Variants in PLXNA4 observed in about 807,000 individuals in gnomAD.
PLXNA4 encodes the protein plexin-A4.
In PLXNA4, 44 loss-of-function variants were observed where a neutral mutation model predicts 191.8. That is an observed-to-expected ratio of 0.23 (90% CI 0.18 to 0.29). The LOEUF is 0.29. PLXNA4 is among the 10% of genes least tolerant of loss of function. The pLI is 1.00. For synonymous variants in PLXNA4, 1,082 were observed against 1,009.5 expected, an observed-to-expected ratio of 1.07 and a Z score of -1.36; for missense variants, 1,800 against 2,488.8, an observed-to-expected ratio of 0.72 and a Z score of 5.89.
intron 30 of PLXNA4, among the ~76,000 whole-genome samples, chr7:132,134,532 C>A (rs1343127254): frequency 3.9e-5 from 6 of 152,164 alleles, no homozygotes; most frequent in Non-Finnish European, 8.8e-5. Context: ...TGTTGTTCTG[C>A]CTGGAAAATG....
chr7:132,408,970 T>A (rs1330577504), intron 3 of PLXNA4, among the ~76,000 whole-genome samples: 1 of 151,274 alleles, frequency 6.6e-6, no homozygotes, highest in African/African-American at 2.4e-5. Flanking sequence ...TCCCCCTGTG[T>A]TTGAGACTGA....
intron 1 of PLXNA4, among the ~76,000 whole-genome samples, chr7:132,564,015 C>T (rs1255864958): frequency 3.2e-5 from 2 of 62,658 alleles, no homozygotes; most frequent in African/African-American, 1.3e-4. Flanking sequence ...TCCTTCTCCT[C>T]CTCCTTCTCC....
chr7:132,360,323 C>G (rs1202270918), intron 3 of PLXNA4, among the ~76,000 whole-genome samples: 2 of 152,168 alleles, frequency 1.3e-5, no homozygotes, highest in African/African-American at 4.8e-5. Flanking sequence ...TGTTGTCCCT[C>G]AGGCCTTGCT....
chr7:132,549,495 C>G (rs1444103562), intron 1 of PLXNA4, among the ~76,000 whole-genome samples: 1 of 152,148 alleles, frequency 6.6e-6, no homozygotes, highest in Admixed American at 6.5e-5. Context: ...AATCCTGGGT[C>G]CCAACCCTGG....
At chr7:132,161,187 A>C (rs1795938527) in intron 24 of PLXNA4, among the ~76,000 whole-genome samples, 1 of 152,222 alleles carries the variant, frequency 6.6e-6, no homozygotes, top group Non-Finnish European at 1.5e-5. Context: ...ACAGCAACAC[A>C]GCTTGCCCTG....
chr7:132,282,306 C>T (rs929734632), intron 4 of PLXNA4, among the ~76,000 whole-genome samples: 7 of 152,256 alleles, frequency 4.6e-5, no homozygotes, highest in Middle Eastern at 3.4e-3. Context: ...GGTGCAATGG[C>T]TCACGCCTGC....
intron 21 of PLXNA4, among the ~76,000 whole-genome samples, chr7:132,174,022 G>A (rs1796372921): frequency 6.6e-6 from 1 of 152,156 alleles, no homozygotes; most frequent in African/African-American, 2.4e-5. Flanking sequence ...GAGGCTTCTT[G>A]GGAGGTGAAA....
intron 3 of PLXNA4, among the ~76,000 whole-genome samples, chr7:132,383,141 C>T (rs1804967458): frequency 6.6e-6 from 1 of 152,176 alleles, no homozygotes; most frequent in African/African-American, 2.4e-5. Flanking sequence ...TCCATGCTCC[C>T]TCTCTCTGAA....
At chr7:132,215,736 C>A (rs78702956) in intron 9 of PLXNA4, among the ~76,000 whole-genome samples, 1 of 152,078 alleles carries the variant, frequency 6.6e-6, no homozygotes, top group Non-Finnish European at 1.5e-5. Context: ...TCCATCAACA[C>A]CCTAAGTGAA....
intron 2 of PLXNA4, among the ~76,000 whole-genome samples, chr7:132,584,820 CA>C (rs1336008828): frequency 2.0e-5 from 3 of 152,026 alleles, no homozygotes; most frequent in Admixed American, 2.0e-4. Flanking sequence ...CTCCATTTTT[CA>C]AAAAGCTAGT....
intron 24 of PLXNA4, among the ~76,000 whole-genome samples, chr7:132,163,642 T>G (rs1380917367): frequency 6.6e-6 from 1 of 152,192 alleles, no homozygotes; most frequent in Admixed American, 6.5e-5. Context: ...CTTCAACAAC[T>G]GCCTTGCACC....
chr7:132,222,297 A>C (rs1305326827), intron 9 of PLXNA4, among the ~76,000 whole-genome samples: 2 of 152,210 alleles, frequency 1.3e-5, no homozygotes, highest in African/African-American at 4.8e-5. Context: ...GGGAGCCCCC[A>C]TGCAGCAGGT....
At chr7:132,244,019 A>C (rs572339892) in intron 4 of PLXNA4, among the ~76,000 whole-genome samples, 1 of 152,148 alleles carries the variant, frequency 6.6e-6, no homozygotes, top group Admixed American at 6.5e-5. Context: ...TCCAGGACTT[A>C]TTCACTATCT....
intron 9 of PLXNA4, among the ~76,000 whole-genome samples, chr7:132,217,302 T>C (rs1360685825): frequency 6.6e-6 from 1 of 152,200 alleles, no homozygotes; most frequent in African/African-American, 2.4e-5. Context: ...CATATTTAAA[T>C]AATTGAACAA....
At chr7:132,256,787 T>G (rs1314699254) in intron 4 of PLXNA4, among the ~76,000 whole-genome samples, 1 of 152,170 alleles carries the variant, frequency 6.6e-6, no homozygotes, top group African/African-American at 2.4e-5. Context: ...CAACTGGCCT[T>G]GACCATAGGG....
At chr7:132,576,703 G>C (rs969733558), upstream of PLXNA4, 1 of 623,230 alleles carries the variant, frequency 1.6e-6, no homozygotes, top group Non-Finnish European at 2.0e-6. This position sits in a 1 kb window ranked among gnomAD's most constrained non-coding sequence, Gnocchi z 5.8. Context: ...CGGAAAATGG[G>C]GATCGATTCC....
chr7:132,594,899 ATAGATAGATAGG>A (rs1157695192), intron 2 of PLXNA4, among the ~76,000 whole-genome samples: 4 of 139,504 alleles, frequency 2.9e-5, no homozygotes, highest in Admixed American at 7.7e-5. Flanking sequence ...CCATTCAGAC[ATAGATAGATAGG>A]TAGATAGATA....
At chr7:132,196,791 C>G (rs1007812627) in intron 13 of PLXNA4, among the ~76,000 whole-genome samples, 1 of 152,194 alleles carries the variant, frequency 6.6e-6, no homozygotes, top group Admixed American at 6.5e-5. Context: ...TCACAAACCA[C>G]TCCCTATTGT....
intron 4 of PLXNA4, 130 bp downstream of exon 4, chr7:132,297,961 C>T: frequency 8.2e-7 from 1 of 1,213,980 alleles, no homozygotes; most frequent in Non-Finnish European, 1.2e-6. Flanking sequence ...AAAAGTATAA[C>T]TGAAAAGATA....
Sources: gnomAD v4.1 joint callset for allele counts (sites outside exome capture counted in the v4.1 genomes callset) on GRCh38, gnomAD v4.1.1 for gene constraint, Gnocchi (gnomAD v3.1) non-coding constraint, MANE v1.5 for transcripts, NCBI Gene and HGNC (gene_info 2026-07-23, HGNC 2026-07-21) for gene names.